SNX29: variants seen among roughly 807,000 people sequenced by gnomAD.
SNX29 encodes sorting nexin 29, also known as sorting nexin-29.
SNX29 carries 78 observed loss-of-function variants against 102.1 expected under a neutral mutation model. That is an observed-to-expected ratio of 0.76 (90% CI 0.64 to 0.92). SNX29 has a LOEUF of 0.92. Among genes scored for constraint, SNX29 ranks in the 40% least tolerant of loss-of-function variants. The pLI is 0.00. For missense variants in SNX29, 1,280 were observed against 1,061.7 expected (o/e 1.21, Z -2.86); for synonymous variants, 580 against 414.5 (o/e 1.40, Z -4.85).
At chr16:12,361,709 A>G (rs1222366096) in intron 16 of SNX29, among the ~76,000 whole-genome samples, 3 of 152,048 alleles carry the variant, frequency 2.0e-5, no homozygotes, top group African/African-American at 4.8e-5. Flanking sequence ...TTTTTTTCAT[A>G]TTATACAATA....
At chr16:12,387,533 G>A (rs895548309) in intron 16 of SNX29, among the ~76,000 whole-genome samples, 3 of 152,142 alleles carry the variant, frequency 2.0e-5, no homozygotes, top group Non-Finnish European at 4.4e-5. Flanking sequence ...GAAAGGGAGG[G>A]GCTGGGGTGG....
intron 14 of SNX29, among the ~76,000 whole-genome samples, chr16:12,252,864 C>A (rs956314959): frequency 6.6e-6 from 1 of 152,224 alleles, no homozygotes; most frequent in African/African-American, 2.4e-5. Flanking sequence ...GCTGGCTCTT[C>A]CAGCTGTCTA....
intron 18 of SNX29, among the ~76,000 whole-genome samples, chr16:12,426,043 C>G (rs2085064454): frequency 6.6e-6 from 1 of 150,656 alleles, no homozygotes; most frequent in Admixed American, 6.6e-5. Context: ...GTACTAAAGG[C>G]TTACTGGGAC....
At chr16:12,511,776 C>A (rs538812954) in intron 19 of SNX29, among the ~76,000 whole-genome samples, 2 of 152,178 alleles carry the variant, frequency 1.3e-5, no homozygotes, top group African/African-American at 4.8e-5. Context: ...CATCCCCCCT[C>A]CCCCGCAACT....
chr16:12,151,695 A>G (rs1482773450), intron 13 of SNX29, among the ~76,000 whole-genome samples: 1 of 151,958 alleles, frequency 6.6e-6, no homozygotes, highest in Non-Finnish European at 1.5e-5. Context: ...ATTTTCTCAC[A>G]CAACCTACTC....
At chr16:12,196,952 G>A (rs555518226) in intron 13 of SNX29, among the ~76,000 whole-genome samples, 1 of 152,098 alleles carries the variant, frequency 6.6e-6, no homozygotes, top group African/African-American at 2.4e-5. Context: ...TCTTAACACA[G>A]TATTGAAAGA....
At chr16:12,366,042 CAAAAAAAAAAAAAAAA>C (rs55895030) in intron 16 of SNX29, among the ~76,000 whole-genome samples, 1 of 72,396 alleles carries the variant, frequency 1.4e-5, no homozygotes, top group Non-Finnish European at 3.0e-5. Flanking sequence ...ACTCTTGTCT[CAAAAAAAAAAAAAAAA>C]AAAAAAAAAA....
chr16:12,013,500 A>AAAAAAAAAATATATAT, intron 3 of SNX29, among the ~76,000 whole-genome samples: 10 of 31,624 alleles, frequency 3.2e-4, no homozygotes, highest in Admixed American at 1.1e-3. Context: ...AAAAAAAAAA[A>AAAAAAAAAATATATAT]ATATATATAT....
intron 16 of SNX29, among the ~76,000 whole-genome samples, chr16:12,357,360 C>CT (rs1392246684): frequency 6.6e-6 from 1 of 152,136 alleles, no homozygotes; most frequent in Non-Finnish European, 1.5e-5. Context: ...ATACAATATC[C>CT]TTATCACCCC....
chr16:12,054,972 G>C (rs1166255364), intron 8 of SNX29, among the ~76,000 whole-genome samples: 1 of 152,134 alleles, frequency 6.6e-6, no homozygotes, highest in African/African-American at 2.4e-5. Context: ...CGAGTGAACT[G>C]TTTGTTAGGG....
chr16:12,277,480 G>C (rs2079289839), intron 14 of SNX29, among the ~76,000 whole-genome samples: 1 of 152,174 alleles, frequency 6.6e-6, no homozygotes. Flanking sequence ...AACATTGCCT[G>C]TTTTCTCCTG....
At position 12,570,103 on chromosome 16, in the gene SNX29, A is replaced by T. The variant is rs1320542526; in HGVS notation, c.*1474A>T. The T allele has an allele frequency of 1.0e-6, 1 of 989,598 alleles. No homozygotes were observed. Among genetic ancestry groups the T allele is most frequent in the Non-Finnish European group, 1.2e-6 (1 of 811,560 alleles). 61.3% of individuals were successfully genotyped at this position (989,598 alleles called of 1,614,324 possible). The stretch of plus-strand genomic sequence containing the variant: ...TTATACTGTGCCTTCCCCTCGTAGC[A>T]AAAAGGAAGATTGTTCATGGCCTTT... On this transcript the variant is annotated 3_prime_UTR_variant, in exon 21 of 21. Transcript: ENST00000566228.
chr16:12,062,311 G>A (rs974109808), intron 9 of SNX29, among the ~76,000 whole-genome samples: 1 of 151,680 alleles, frequency 6.6e-6, no homozygotes, highest in African/African-American at 2.4e-5. Context: ...CCCGGGAGGT[G>A]GAGGTTGCAG....
At chr16:12,337,756 C>T (rs2081495441) in intron 15 of SNX29, among the ~76,000 whole-genome samples, 1 of 152,210 alleles carries the variant, frequency 6.6e-6, no homozygotes. Flanking sequence ...TTTCCCTGGC[C>T]GAGTGAGGAC....
At chr16:12,050,536 C>T (rs1050729937) in intron 7 of SNX29, among the ~76,000 whole-genome samples, 8 of 152,206 alleles carry the variant, frequency 5.3e-5, no homozygotes, top group African/African-American at 1.7e-4. Flanking sequence ...AAGATGGCCC[C>T]ATCCACGTGT....
At chr16:12,080,618 G>A (rs1417439783) in intron 11 of SNX29, among the ~76,000 whole-genome samples, 2 of 151,576 alleles carry the variant, frequency 1.3e-5, no homozygotes, top group East Asian at 1.9e-4. Flanking sequence ...AGGATCAAGC[G>A]ATCCACCCGC....
At position 12,458,749 on chromosome 16, in the gene SNX29, C is replaced by T. The variant is rs1031740268; in HGVS notation, c.2038-18970C>T. Among the ~76,000 whole-genome samples, 34 of 152,014 alleles carry T rather than the reference C, an allele frequency of 2.2e-4. 1 individual carries two copies. The highest frequency in any genetic ancestry group is 8.8e-5 in the Non-Finnish European group (6 of 67,990). The stretch of plus-strand genomic sequence containing the variant: ...GTAGCCTTTGGAGTGTGTCGCAATC[C>T]ACTCCCCTTCTCTTCCTGCACACGC... On this transcript the variant is annotated intron_variant, in intron 18 of 20. Transcript: ENST00000566228.
Position 12,330,423 on chromosome 16 carries a change from C to T in SNX29, c.1783-25740C>T, listed in dbSNP as rs2081260447. Among the ~76,000 whole-genome samples, 3 of 152,298 alleles carry T rather than the reference C, an allele frequency of 2.0e-5. No individual in the cohort carries two copies. The South Asian group carries it at 6.2e-4, about 32-fold the overall frequency. ...CAGAGGTTGCAGTGAGCTGAGATCA[C>T]ACCACGGCACTCCAGCCTGAAATGG... On this transcript the variant is annotated intron_variant, in intron 15 of 20. Transcript: ENST00000566228.
chr16:12,287,959 T>G (rs200537977), intron 15 of SNX29, among the ~76,000 whole-genome samples: 1 of 152,210 alleles, frequency 6.6e-6, no homozygotes, highest in East Asian at 1.9e-4. Context: ...CATGGCATTT[T>G]ATGAAAAGCA....
Sources: gnomAD v4.1 joint callset for allele counts (sites outside exome capture counted in the v4.1 genomes callset) on GRCh38, gnomAD v4.1.1 for gene constraint, MANE v1.5 for transcripts, NCBI Gene and HGNC (gene_info 2026-07-23, HGNC 2026-07-21) for gene names.